Variants in YIF1B observed in about 807,000 individuals in gnomAD.
YIF1B encodes protein YIF1B.
Under a neutral mutation model 34.6 loss-of-function variants are expected in YIF1B, and 24 were observed. The observed-to-expected ratio is 0.69, with a 90% CI of 0.50 to 0.98. YIF1B has a LOEUF of 0.98. Ranked by LOEUF, YIF1B falls within the 50% of genes least tolerant of loss-of-function variation. The probability of loss-of-function intolerance (pLI) is 0.00; values close to 1 mark genes in which losing one functional copy is unlikely to be tolerated. For missense variants in YIF1B, 368 were observed against 429.4 expected (o/e 0.86, Z 1.26); for synonymous variants, 186 against 184.8 (o/e 1.01, Z -0.05).
chr19:38,309,430 T>TGC lies in YIF1B; in HGVS notation c.270_271dup (p.Gln91ArgfsTer108), dbSNP rs1644742978. ...GTTCTTATCCACCAGCTCCTTGCCCTGCGCGGCCAGGCTGCTCCCATAGGC... is the reference window on the plus strand; with the variant it reads ...GTTCTTATCCACCAGCTCCTTGCCCTGCGCGCGGCCAGGCTGCTCCCATAGGC... On this transcript the variant is annotated frameshift_variant, in exon 2 of 8. Coordinates refer to ENST00000339413, the MANE Select transcript of YIF1B (RefSeq NM_001039672.3). LOFTEE classifies it high-confidence loss of function. 6.2e-7 allele frequency: 1 copy of TGC among 1,613,450 alleles called. No individual in the cohort carries two copies.
chr19:38,320,067 G>C (rs1327169935), upstream of YIF1B: 2 of 1,524,662 alleles, frequency 1.3e-6, no homozygotes, highest in Admixed American at 2.0e-5. Flanking sequence ...TCCGAGCCGA[G>C]CTGGAGACGC....
chr19:38,304,668 T>C lies in YIF1B; in HGVS notation c.*684A>G. On this transcript the variant is annotated 3_prime_UTR_variant, in exon 8 of 8. Transcript: ENST00000339413. ...CCGACTCCAGCAGCAGCTCCAGCGA[T>C]TCGGACACGGATGTGAAGGTAAGGG... 1 of 1,613,616 alleles carries C rather than the reference T, an allele frequency of 6.2e-7. No individual in the cohort carries two copies. Among genetic ancestry groups the C allele is most frequent in the South Asian group, 1.1e-5 (1 of 91,086 alleles).
intron 1 of YIF1B, chr19:38,309,871 T>C: frequency 7.1e-7 from 1 of 1,401,382 alleles, no homozygotes; most frequent in East Asian, 2.6e-5. Context: ...CATCTATGCA[T>C]CCATTCATCT....
chr19:38,305,317 AGC>A lies in YIF1B; in HGVS notation c.*33_*34del. ...TTCGGCGGCCACAGTGGCCCCCAGC[AGC>A]AGCAGCAGCAGCGGGAGGTTCAGCG... On this transcript the variant is annotated 3_prime_UTR_variant, in exon 8 of 8. Coordinates refer to ENST00000339413, the MANE Select transcript of YIF1B (RefSeq NM_001039672.3). 6.3e-7 allele frequency: 1 copy of A among 1,584,754 alleles called. No homozygotes were observed.
At chr19:38,305,542 T>C (rs760370224) in intron 7 of YIF1B, 35 bp from the exon 8 acceptor site, 14 of 1,580,108 alleles carry the variant, frequency 8.9e-6, no homozygotes, top group Admixed American at 1.7e-5. Context: ...CCAAGGGATT[T>C]ACCCTTGAGC....
Sources: allele counts gnomAD v4.1 joint callset, GRCh38; gene constraint gnomAD v4.1.1; transcripts MANE v1.5; gene names NCBI Gene and HGNC (gene_info 2026-07-23, HGNC 2026-07-21).